Variants in FAM120A observed in about 807,000 individuals in gnomAD.
FAM120A encodes the protein family with sequence similarity 120 member A.
A neutral mutation model predicts 109.7 loss-of-function variants in FAM120A; 15 were observed. That is an observed-to-expected ratio of 0.14 (90% CI 0.09 to 0.21). The LOEUF (loss-of-function observed/expected upper bound fraction) is 0.21. FAM120A is among the 10% of genes least tolerant of loss of function. The probability of loss-of-function intolerance (pLI) is 1.00; values close to 1 mark genes in which losing one functional copy is unlikely to be tolerated. For synonymous variants in FAM120A, 493 were observed against 572.8 expected (o/e 0.86, Z 1.99); for missense variants, 899 against 1,439.3 (o/e 0.62, Z 6.07).
At chr9:93,535,667 C>T (rs550153638) in intron 10 of FAM120A, among the ~76,000 whole-genome samples, 74 of 152,106 alleles carry the variant, frequency 4.9e-4, no homozygotes, top group East Asian at 7.7e-4. Flanking sequence ...TTGTTTCATG[C>T]GTTAGTTACA....
chr9:93,489,563 T>C (rs910349197), intron 3 of FAM120A, among the ~76,000 whole-genome samples: 1 of 152,238 alleles, frequency 6.6e-6, no homozygotes, highest in Non-Finnish European at 1.5e-5. Flanking sequence ...GAAGAACTTT[T>C]CTTTGTTCAG....
At chr9:93,493,287 G>A (rs1004673558) in intron 3 of FAM120A, among the ~76,000 whole-genome samples, 5 of 152,154 alleles carry the variant, frequency 3.3e-5, no homozygotes, top group Non-Finnish European at 7.3e-5. Context: ...CCAGTTTAAT[G>A]TACTATGTTC....
At position 93,547,464 on chromosome 9, in the gene FAM120A, C is replaced by T. The variant is rs547621493; in HGVS notation, c.2160-3113C>T. Reference sequence around the variant, plus strand: ...CTCTCCTTTTGGAGCTCTGGCTTTACCCCAGCTTCCATGCTTGTAAAGGGC... The same window carrying T: ...CTCTCCTTTTGGAGCTCTGGCTTTATCCCAGCTTCCATGCTTGTAAAGGGC... On this transcript the variant is annotated intron_variant, in intron 11 of 17. Coordinates refer to ENST00000277165, the MANE Select transcript of FAM120A (RefSeq NM_014612.5). Among the ~76,000 whole-genome samples the T allele has an allele frequency of 1.6e-4, 25 of 152,232 alleles. No homozygotes were observed. The South Asian group carries it at 5.0e-3, about 30-fold the overall frequency.
At position 93,452,047 on chromosome 9, in the gene FAM120A, G is replaced by C. The variant is rs1209957258; in HGVS notation, c.132G>C (p.Leu44=). Residue 44 remains leucine (L), a synonymous_variant, in exon 1 of 18, where the codon CTG becomes CTC. Transcript: ENST00000277165. This position sits in a 1 kb window ranked among gnomAD's most constrained non-coding sequence, Gnocchi z 7.0. ...GGCAGCGGCCCCCGCAGACCCCGCTGCGCCTGCTGGTGGACGCCGACAACT... is the reference window on the plus strand; with the variant it reads ...GGCAGCGGCCCCCGCAGACCCCGCTCCGCCTGCTGGTGGACGCCGACAACT... The part of the protein sequence containing the change: ...GGRQRPPQTP[L]RLLVDADNCL... The C allele has an allele frequency of 1.9e-6, 3 of 1,579,868 alleles. No individual in the cohort carries two copies. Among genetic ancestry groups the C allele is most frequent in the East Asian group, 2.3e-5 (1 of 43,484 alleles).
intron 10 of FAM120A, among the ~76,000 whole-genome samples, chr9:93,536,807 T>C (rs1469301865): frequency 6.6e-6 from 1 of 152,264 alleles, no homozygotes; most frequent in Non-Finnish European, 1.5e-5. Context: ...AAAGTCACGT[T>C]GTATTCTGTG....
chr9:93,530,469 A>G (rs1026303700), intron 9 of FAM120A: 1 of 152,238 alleles, frequency 6.6e-6, no homozygotes, highest in Non-Finnish European at 1.5e-5. Flanking sequence ...AAATGCAATA[A>G]TGAACTCCTG....
Position 93,529,343 on chromosome 9 carries a change from T to C in FAM120A, c.1507-10T>C. 1 of 1,591,466 alleles carries C rather than the reference T, an allele frequency of 6.3e-7. No homozygotes were observed. The highest frequency in any genetic ancestry group is 8.6e-7 in the Non-Finnish European group (1 of 1,169,470). ...ACTCGTTTTCCTCCCTTCTGCTCTC[T>C]GCACTGTAGGCAGAAGGCTCGTCCA... On this transcript the variant is annotated splice_polypyrimidine_tract_variant and intron_variant, in intron 8 of 17. Coordinates refer to ENST00000277165, the MANE Select transcript of FAM120A (RefSeq NM_014612.5).
chr9:93,541,598 T>G, intron 10 of FAM120A, among the ~76,000 whole-genome samples: 1 of 152,168 alleles, frequency 6.6e-6, no homozygotes, highest in Admixed American at 6.5e-5. Context: ...GCATTTGGAG[T>G]GTTTGAAATA....
intron 13 of FAM120A, among the ~76,000 whole-genome samples, chr9:93,557,090 T>C (rs1862307283): frequency 6.6e-6 from 1 of 151,792 alleles, no homozygotes. Flanking sequence ...ACTTCAGCAC[T>C]ACACTTGGAG....
chr9:93,493,417 A>G lies in FAM120A; in HGVS notation c.805-4054A>G, dbSNP rs371218983. Among the ~76,000 whole-genome samples, 4 of 152,316 alleles carry G rather than the reference A, an allele frequency of 2.6e-5. No homozygotes were observed. The East Asian group carries it at 5.8e-4, about 22-fold the overall frequency. On this transcript the variant is annotated intron_variant, in intron 3 of 17. Transcript: ENST00000277165. Reference sequence around the variant, plus strand: ...TAAATGAAAATACAATACTTACCCTATATAATTTTGGAGGGCCCAAAGATG... The same window carrying G: ...TAAATGAAAATACAATACTTACCCTGTATAATTTTGGAGGGCCCAAAGATG...
chr9:93,547,063 A>G (rs888406025), intron 11 of FAM120A, among the ~76,000 whole-genome samples: 6 of 152,224 alleles, frequency 3.9e-5, no homozygotes, highest in Non-Finnish European at 8.8e-5. Context: ...ATATCAGTCA[A>G]ATCTCTAGAA....
intron 1 of FAM120A, among the ~76,000 whole-genome samples, chr9:93,458,086 C>A (rs1056474065): frequency 5.3e-5 from 8 of 152,090 alleles, no homozygotes; most frequent in Non-Finnish European, 1.0e-4. Context: ...CACTTCAGCA[C>A]CTGGTTTTAC....
intron 1 of FAM120A, among the ~76,000 whole-genome samples, chr9:93,454,020 A>G (rs1346950059): frequency 6.6e-6 from 1 of 152,234 alleles, no homozygotes; most frequent in Non-Finnish European, 1.5e-5. Context: ...GTATCTTTAA[A>G]GAACTGTTGA....
chr9:93,536,254 G>C (rs1368718626), intron 10 of FAM120A, among the ~76,000 whole-genome samples: 2 of 152,194 alleles, frequency 1.3e-5, no homozygotes, highest in East Asian at 3.9e-4. Flanking sequence ...GCCAAAGAAA[G>C]AGTCCTGGGA....
intron 7 of FAM120A, among the ~76,000 whole-genome samples, chr9:93,525,776 G>C (rs913975722): frequency 1.3e-5 from 2 of 152,178 alleles, no homozygotes; most frequent in African/African-American, 4.8e-5. Flanking sequence ...CTGAGCCACT[G>C]CTGGGGTTTC....
chr9:93,564,748 CAAAA>C lies in FAM120A; in HGVS notation c.*211_*214del. ...TTGTAGTCAAAATGCTACAATAAAACAAAAAAGAGAAAGAAAATGAAGAGCATTT... is the reference window on the plus strand; with the variant it reads ...TTGTAGTCAAAATGCTACAATAAAACAAGAGAAAGAAAATGAAGAGCATTT... On this transcript the variant is annotated 3_prime_UTR_variant, in exon 18 of 18. Transcript: ENST00000277165. 1 of 465,498 alleles carries C rather than the reference CAAAA, an allele frequency of 2.1e-6. No individual in the cohort carries two copies. The highest frequency in any genetic ancestry group is 2.0e-5 in the African/African-American group (1 of 50,402). The allele number at this position is 465,498 out of a possible 1,614,324, so 28.8% of individuals were successfully genotyped here. A position where few individuals can be genotyped will look rare whatever the true frequency, so the allele number is the denominator to read the frequency against.
At position 93,557,938 on chromosome 9, in the gene FAM120A, T is replaced by C. The variant is rs773975199; in HGVS notation, c.2596T>C (p.Tyr866His). ...PFPPPPALPFYPASAYPRHFG... is the reference protein window; with the variant it reads ...PFPPPPALPFHPASAYPRHFG... Reference sequence around the variant, plus strand: ...CCCGCCGCCACCTGCCCTGCCCTTCTACCCTGCCTCTGCGTACCCCCGGCA... The same window carrying C: ...CCCGCCGCCACCTGCCCTGCCCTTCCACCCTGCCTCTGCGTACCCCCGGCA... The change falls in exon 14 of 18, where the codon TAC becomes CAC. Residue 866 changes from tyrosine (Y) to histidine (H), a missense_variant. By Grantham distance (83) the Tyr-to-His change is moderately conservative (BLOSUM62 2). This residue lies in a region of FAM120A where 129 missense variants were observed against 153.4 expected (regional missense o/e 0.84). Coordinates refer to ENST00000277165, the MANE Select transcript of FAM120A (RefSeq NM_014612.5). The C allele has an allele frequency of 1.2e-6, 2 of 1,608,788 alleles. No individual in the cohort carries two copies. The highest frequency in any genetic ancestry group is 1.7e-5 in the Admixed American group (1 of 59,968).
At chr9:93,529,321 C>G (rs375188615) in intron 8 of FAM120A, 32 bp from the exon 9 acceptor site, 321 of 1,523,376 alleles carry the variant, frequency 2.1e-4, no homozygotes, top group Non-Finnish European at 2.6e-4. Context: ...GACATACACT[C>G]GTTTTCCTCC....
At chr9:93,456,600 C>T (rs1309655015) in intron 1 of FAM120A, among the ~76,000 whole-genome samples, 1 of 152,162 alleles carries the variant, frequency 6.6e-6, no homozygotes. Flanking sequence ...CTCATTTAAT[C>T]CTCAGAGTGC....
Sources: gnomAD v4.1 joint callset for allele counts (sites outside exome capture counted in the v4.1 genomes callset) on GRCh38, gnomAD v4.1.1 for gene constraint, gnomAD v4.1.1 regional missense constraint, Gnocchi (gnomAD v3.1) non-coding constraint, MANE v1.5 for transcripts, NCBI Gene and HGNC (gene_info 2026-07-23, HGNC 2026-07-21) for gene names.